DLC1: variants seen among roughly 807,000 people sequenced by gnomAD.
DLC1 encodes rho GTPase-activating protein 7.
Under a neutral mutation model 140.3 loss-of-function variants are expected in DLC1, and 54 were observed. The ratio of observed to expected loss-of-function variants is 0.38; its 90% CI spans 0.31 to 0.48. The LOEUF (loss-of-function observed/expected upper bound fraction) is 0.48, where lower values mean the gene tolerates loss of function less well. Ranked by LOEUF, DLC1 falls within the 20% of genes least tolerant of loss-of-function variation. The pLI is 0.96. For synonymous variants in DLC1, 986 were observed against 728.1 expected (o/e 1.35, Z -5.70); for missense variants, 2,536 against 1,907.0 (o/e 1.33, Z -6.14).
intron 2 of DLC1, among the ~76,000 whole-genome samples, chr8:13,448,654 C>T (rs1482154034): frequency 1.3e-5 from 2 of 152,124 alleles, no homozygotes; most frequent in East Asian, 1.9e-4. Flanking sequence ...CCACCGCACC[C>T]AGCCTCCTAA....
intron 7 of DLC1, among the ~76,000 whole-genome samples, chr8:13,107,161 A>T (rs573449905): frequency 3.2e-4 from 48 of 152,300 alleles, no homozygotes; most frequent in African/African-American, 9.9e-4. Context: ...AAATCCAAAA[A>T]ATCTATAGTC....
chr8:13,435,426 G>A, intron 2 of DLC1, among the ~76,000 whole-genome samples: 1 of 152,134 alleles, frequency 6.6e-6, no homozygotes, highest in Admixed American at 6.5e-5. Context: ...CAATTCTCCT[G>A]CCTCAGCCTC....
At chr8:13,454,560 G>GT (rs1343550215) in intron 2 of DLC1, among the ~76,000 whole-genome samples, 1 of 152,104 alleles carries the variant, frequency 6.6e-6, no homozygotes, top group Non-Finnish European at 1.5e-5. Context: ...TTCTTGTTTA[G>GT]TTTTTTCTCT....
Position 13,100,631 on chromosome 8 carries a change from T to A in DLC1, c.1706A>T (p.Asp569Val). The A allele has an allele frequency of 6.2e-7, 1 of 1,613,536 alleles. No individual in the cohort carries two copies. Among genetic ancestry groups the A allele is most frequent in the Non-Finnish European group, 8.5e-7 (1 of 1,179,860 alleles). ...KQDLVPGSPD[D>V]SHPKDGPSPG... ...GCTGGGGCCGTCCTTCGGGTGGGAG[T>A]CGTCTGGGGACCCAGGGACCAGGTC... Residue 569 changes from aspartate to valine, a missense_variant, in exon 9 of 18, where the codon GAC becomes GTC. By Grantham distance (152) the Asp-to-Val change is radical. Coordinates refer to ENST00000276297, the MANE Select transcript of DLC1 (RefSeq NM_182643.3).
chr8:13,462,288 A>G (rs1585149574), intron 2 of DLC1, among the ~76,000 whole-genome samples: 1 of 152,166 alleles, frequency 6.6e-6, no homozygotes, highest in Non-Finnish European at 1.5e-5. Flanking sequence ...AACATATGCC[A>G]TATGACCCAA....
chr8:13,430,688 A>C (rs1281343204), intron 2 of DLC1, among the ~76,000 whole-genome samples: 1 of 152,222 alleles, frequency 6.6e-6, no homozygotes, highest in Non-Finnish European at 1.5e-5. Context: ...GAAATTTGGT[A>C]ATTAATTTAA....
Position 13,406,181 on chromosome 8 carries a change from G to GTTTTTTTTTTTT in DLC1, c.1024-4574_1024-4563dup, listed in dbSNP as rs77753653. Among the ~76,000 whole-genome samples the GTTTTTTTTTTTT allele has an allele frequency of 9.7e-3, 820 of 84,900 alleles. 117 individuals carry two copies. The highest frequency in any genetic ancestry group is 0.021 in the African/African-American group (438 of 21,028). The allele number at this position is 84,900 out of a possible 152,430, so 55.7% of individuals were successfully genotyped here. A position where few individuals can be genotyped will look rare whatever the true frequency, so the allele number is the denominator to read the frequency against. On this transcript the variant is annotated intron_variant, in intron 2 of 17. Coordinates refer to ENST00000276297, the MANE Select transcript of DLC1 (RefSeq NM_182643.3). ...GCCACCATCCCCAGCTAATTTTTGT[G>GTTTTTTTTTTTT]TTTTTTTTTTTTTTTTTCAGTGGAG...
At chr8:13,225,274 G>C (rs1055864900) in intron 5 of DLC1, among the ~76,000 whole-genome samples, 6 of 152,162 alleles carry the variant, frequency 3.9e-5, no homozygotes, top group African/African-American at 1.4e-4. Flanking sequence ...ACTTTCAAAA[G>C]GCTTCATTCT....
chr8:13,329,724 C>T (rs563256563), intron 4 of DLC1, among the ~76,000 whole-genome samples: 2 of 152,224 alleles, frequency 1.3e-5, no homozygotes, highest in African/African-American at 2.4e-5. Flanking sequence ...CTTATATATA[C>T]ATTAGAATGT....
intron 2 of DLC1, among the ~76,000 whole-genome samples, chr8:13,439,898 AT>A (rs1184509517): frequency 6.6e-6 from 1 of 151,728 alleles, no homozygotes; most frequent in Non-Finnish European, 1.5e-5. Context: ...CAGAAGTGAA[AT>A]TTTTTTTTCT....
intron 5 of DLC1, among the ~76,000 whole-genome samples, chr8:13,237,736 T>C (rs1829355804): frequency 6.6e-6 from 1 of 152,152 alleles, no homozygotes; most frequent in Non-Finnish European, 1.5e-5. Context: ...GGTCAAGCTT[T>C]TTCTATTGTT....
At chr8:13,273,127 C>T (rs151251630) in intron 5 of DLC1, among the ~76,000 whole-genome samples, 7 of 152,136 alleles carry the variant, frequency 4.6e-5, no homozygotes, top group African/African-American at 7.2e-5. Context: ...TAAAGAGATC[C>T]GTGGGCACAA....
intron 5 of DLC1, among the ~76,000 whole-genome samples, chr8:13,229,846 C>T (rs183639730): frequency 1.3e-5 from 2 of 152,292 alleles, no homozygotes; most frequent in Non-Finnish European, 2.9e-5. Context: ...AATTGGTGAC[C>T]TGCAGTTATC....
intron 4 of DLC1, among the ~76,000 whole-genome samples, chr8:13,334,085 G>A (rs541814880): frequency 6.6e-6 from 1 of 152,274 alleles, no homozygotes; most frequent in East Asian, 1.9e-4. Flanking sequence ...TGGAGAGCGA[G>A]GGATGCTTGG....
chr8:13,352,681 T>C (rs1834731902), intron 4 of DLC1, among the ~76,000 whole-genome samples: 1 of 152,214 alleles, frequency 6.6e-6, no homozygotes. Flanking sequence ...GACTCCTGAA[T>C]TTACTTTTAA....
intron 10 of DLC1, among the ~76,000 whole-genome samples, chr8:13,096,564 A>G (rs1200619381): frequency 4.0e-5 from 6 of 150,320 alleles, no homozygotes; most frequent in Non-Finnish European, 8.9e-5. Flanking sequence ...GAATGTGAAA[A>G]GAACACATTA....
chr8:13,527,931 A>G (rs1377173062), intron 1 of DLC1, among the ~76,000 whole-genome samples: 1 of 152,144 alleles, frequency 6.6e-6, no homozygotes, highest in African/African-American at 2.4e-5. Context: ...TTAACGCTAT[A>G]AACCAGTAGG....
At chr8:13,210,271 C>G (rs1827874965) in intron 5 of DLC1, among the ~76,000 whole-genome samples, 2 of 152,070 alleles carry the variant, frequency 1.3e-5, no homozygotes, top group Non-Finnish European at 2.9e-5. Context: ...GGTTTCCCAC[C>G]TCCGCTCTCA....
intron 5 of DLC1, among the ~76,000 whole-genome samples, chr8:13,216,509 C>A (rs752410205): frequency 1.2e-4 from 18 of 152,178 alleles, no homozygotes; most frequent in Non-Finnish European, 2.5e-4. Context: ...ACTGGCAGCA[C>A]TCTTATTGCC....
Sources: allele counts gnomAD v4.1 joint callset (sites outside exome capture counted in the v4.1 genomes callset), GRCh38; gene constraint gnomAD v4.1.1; transcripts MANE v1.5; gene names NCBI Gene and HGNC (gene_info 2026-07-23, HGNC 2026-07-21).